The following RALGAPA1 variants were observed in gnomAD, a reference collection of about 807,000 sequenced individuals.
RALGAPA1 encodes the protein Ral GTPase activating protein catalytic subunit alpha 1.
A neutral mutation model predicts 269.6 loss-of-function variants in RALGAPA1; 52 were observed. The ratio of observed to expected loss-of-function variants is 0.19; its 90% CI spans 0.15 to 0.24. RALGAPA1 has a LOEUF of 0.24. Among genes scored for constraint, RALGAPA1 ranks in the 10% least tolerant of loss-of-function variants. RALGAPA1 has a pLI of 1.00. For synonymous variants in RALGAPA1, 817 were observed against 1,008.3 expected, an observed-to-expected ratio of 0.81 and a Z score of 3.60; for missense variants, 1,917 against 3,013.9, an observed-to-expected ratio of 0.64 and a Z score of 8.52.
At chr14:35,628,691 A>G (rs1402826977) in intron 33 of RALGAPA1, among the ~76,000 whole-genome samples, 2 of 152,232 alleles carry the variant, frequency 1.3e-5, no homozygotes, top group Admixed American at 6.5e-5. Flanking sequence ...GCAAGTCAGT[A>G]TAGCTAGTAC....
At chr14:35,750,393 G>T in intron 9 of RALGAPA1, 89 bp downstream of exon 9, 1 of 800,826 alleles carries the variant, frequency 1.2e-6, no homozygotes, top group Non-Finnish European at 2.0e-6. Flanking sequence ...TTATTTAAGT[G>T]TACGCTCCAC....
At chr14:35,665,677 C>T (rs1210432559) in intron 26 of RALGAPA1, among the ~76,000 whole-genome samples, 4 of 151,990 alleles carry the variant, frequency 2.6e-5, no homozygotes, top group African/African-American at 4.8e-5. Context: ...TACAAGGCAG[C>T]AGTATAAAAG....
intron 1 of RALGAPA1, among the ~76,000 whole-genome samples, chr14:35,807,553 C>T (rs2077462279): frequency 1.3e-5 from 2 of 152,172 alleles, no homozygotes; most frequent in Admixed American, 1.3e-4. Context: ...TGGTAGCTGG[C>T]TGACTACTCG....
At chr14:35,777,300 T>TA (rs2075110835) in intron 1 of RALGAPA1, among the ~76,000 whole-genome samples, 1 of 152,156 alleles carries the variant, frequency 6.6e-6, no homozygotes, top group South Asian at 2.1e-4. Context: ...AGCATTTTAA[T>TA]AAAAATAAAC....
chr14:35,780,279 T>C (rs1159958890), intron 1 of RALGAPA1, among the ~76,000 whole-genome samples: 1 of 152,068 alleles, frequency 6.6e-6, no homozygotes, highest in East Asian at 1.9e-4. Context: ...AATTCAACAA[T>C]GGTAATTTAA....
rs1311105427 is a variant in RALGAPA1, at chr14:35,605,508, T to C, written c.7053+78A>G. 4 of 1,406,696 alleles carry C rather than the reference T, an allele frequency of 2.8e-6. No individual in the cohort carries two copies. The East Asian group carries it at 9.9e-5, about 35-fold the overall frequency. The allele number at this position is 1,406,696 out of a possible 1,614,324, so 87.1% of individuals were successfully genotyped here. A position where few individuals can be genotyped will look rare whatever the true frequency, so the allele number is the denominator to read the frequency against. ...GTTGTATCTCCTAAAATAATACTTCTATAATAAGCTAGGAAAAAAAAGAAA... is the reference window on the plus strand; with the variant it reads ...GTTGTATCTCCTAAAATAATACTTCCATAATAAGCTAGGAAAAAAAAGAAA... On this transcript the variant is annotated intron_variant, in intron 36 of 41. Transcript: ENST00000680220.
At chr14:35,608,287 G>A (rs2059708937) in intron 35 of RALGAPA1, among the ~76,000 whole-genome samples, 1 of 152,172 alleles carries the variant, frequency 6.6e-6, no homozygotes, top group South Asian at 2.1e-4. Flanking sequence ...ATACTGGTAA[G>A]GGGACTAAGC....
chr14:35,654,316 A>C (rs768282441), intron 30 of RALGAPA1, 51 bp downstream of exon 30: 2 of 1,490,944 alleles, frequency 1.3e-6, no homozygotes, highest in South Asian at 2.7e-5. Flanking sequence ...AAAGTATCCA[A>C]ATCTAAAAAA....
At chr14:35,656,292 A>G (rs1186185420) in intron 28 of RALGAPA1, among the ~76,000 whole-genome samples, 1 of 152,246 alleles carries the variant, frequency 6.6e-6, no homozygotes, top group Non-Finnish European at 1.5e-5. Context: ...AAGTAAAAAC[A>G]TGAAGCTGAT....
intron 35 of RALGAPA1, among the ~76,000 whole-genome samples, chr14:35,623,232 T>C (rs143180097): frequency 3.4e-4 from 51 of 151,330 alleles, no homozygotes; most frequent in African/African-American, 1.1e-3. Context: ...CGAAAAAATA[T>C]GTAGGTTAAA....
chr14:35,721,663 T>C, intron 16 of RALGAPA1, 25 bp downstream of exon 16: 2 of 1,602,748 alleles, frequency 1.2e-6, no homozygotes, highest in Non-Finnish European at 1.7e-6. Context: ...CCTGTACCAT[T>C]CTCATGATTT....
chr14:35,561,175 C>T (rs1037632251), intron 39 of RALGAPA1, among the ~76,000 whole-genome samples: 63 of 126,746 alleles, frequency 5.0e-4, no homozygotes, highest in Admixed American at 2.8e-3. Context: ...TGCAGTGAGC[C>T]GAGATGGCGC....
chr14:35,603,770 C>T (rs1184417999), intron 36 of RALGAPA1, among the ~76,000 whole-genome samples: 1 of 152,032 alleles, frequency 6.6e-6, no homozygotes, highest in Non-Finnish European at 1.5e-5. Context: ...CATGTTCTCA[C>T]TCATATGTGG....
chr14:35,715,473 T>G (rs1293890880), intron 16 of RALGAPA1, among the ~76,000 whole-genome samples: 2 of 152,198 alleles, frequency 1.3e-5, no homozygotes, highest in Non-Finnish European at 2.9e-5. Flanking sequence ...ATTTATTTAT[T>G]TATTCCATAA....
chr14:35,595,292 A>G (rs2058865436), intron 37 of RALGAPA1, among the ~76,000 whole-genome samples: 3 of 152,038 alleles, frequency 2.0e-5, no homozygotes, highest in African/African-American at 7.2e-5. Context: ...CTTGTCATAC[A>G]CACATAAAAA....
At chr14:35,566,161 CAGA>C (rs2056683888) in intron 39 of RALGAPA1, among the ~76,000 whole-genome samples, 1 of 151,934 alleles carries the variant, frequency 6.6e-6, no homozygotes, top group African/African-American at 2.4e-5. Flanking sequence ...CTGACAAAAT[CAGA>C]AGTTGTAAGA....
At chr14:35,665,612 T>A (rs1031120808) in intron 26 of RALGAPA1, among the ~76,000 whole-genome samples, 1 of 152,218 alleles carries the variant, frequency 6.6e-6, no homozygotes, top group Non-Finnish European at 1.5e-5. Flanking sequence ...CTCTATTATA[T>A]GATTTTCAAC....
At chr14:35,778,944 A>C (rs1359602642) in intron 1 of RALGAPA1, among the ~76,000 whole-genome samples, 1 of 152,194 alleles carries the variant, frequency 6.6e-6, no homozygotes, top group Non-Finnish European at 1.5e-5. Context: ...TCCATTTTAC[A>C]GGTGAGAAAA....
intron 6 of RALGAPA1, among the ~76,000 whole-genome samples, chr14:35,758,853 C>T (rs546827298): frequency 2.2e-4 from 33 of 152,278 alleles, no homozygotes; most frequent in Non-Finnish European, 4.3e-4. Context: ...GTGGCTGACA[C>T]CTGTGATCCC....
Sources: gnomAD v4.1 joint callset for allele counts (sites outside exome capture counted in the v4.1 genomes callset) on GRCh38, gnomAD v4.1.1 for gene constraint, MANE v1.5 for transcripts, NCBI Gene and HGNC (gene_info 2026-07-23, HGNC 2026-07-21) for gene names.